The following DST variants were observed in gnomAD, a reference collection of about 807,000 sequenced individuals.
DST encodes the protein bullous pemphigoid antigen.
A neutral mutation model predicts 875.2 loss-of-function variants in DST; 253 were observed. The observed-to-expected ratio is 0.29, with a 90% CI of 0.26 to 0.32. DST has a LOEUF of 0.32. Ranked by LOEUF, DST falls within the 10% of genes least tolerant of loss-of-function variation. The probability of loss-of-function intolerance (pLI) is 1.00; values close to 1 mark genes in which losing one functional copy is unlikely to be tolerated. For synonymous variants in DST, 3,124 were observed against 3,197.1 expected, an observed-to-expected ratio of 0.98 and a Z score of 0.77; for missense variants, 8,287 against 9,111.6, an observed-to-expected ratio of 0.91 and a Z score of 3.68.
chr6:56,907,351 T>C lies in DST; in HGVS notation c.217-6730A>G, dbSNP rs144606769. 2.7e-3 allele frequency among the ~76,000 whole-genome samples: 412 copies of C among 152,376 alleles called. 5 individuals carry two copies. The highest frequency in any genetic ancestry group is 4.1e-3 in the South Asian group (20 of 4,830). ...GCTTGCAAGTGGTTAGCTATTTTCCTTGGAGGTTGAATTCTCAGACAACCA... is the reference window on the plus strand; with the variant it reads ...GCTTGCAAGTGGTTAGCTATTTTCCCTGGAGGTTGAATTCTCAGACAACCA... On this transcript the variant is annotated intron_variant, in intron 2 of 103. Coordinates refer to ENST00000680361, the MANE Select transcript of DST (RefSeq NM_001374736.1).
intron 53 of DST, 91 bp from the exon 54 acceptor site, chr6:56,570,103 C>A: frequency 1.1e-6 from 1 of 923,250 alleles, no homozygotes; most frequent in South Asian, 1.8e-5. Context: ...AAGAAACCAT[C>A]TTCCATGTAC....
At chr6:56,618,523 G>C in intron 36 of DST, 1 of 1,614,016 alleles carries the variant, frequency 6.2e-7, no homozygotes, top group Non-Finnish European at 8.5e-7. Flanking sequence ...CACGCTTCTG[G>C]GCTATCAGCT....
intron 4 of DST, among the ~76,000 whole-genome samples, chr6:56,833,487 T>C (rs975704294): frequency 3.9e-5 from 6 of 152,230 alleles, no homozygotes; most frequent in African/African-American, 1.2e-4. Context: ...TTTCACATGT[T>C]TTACAGGACA....
At chr6:56,481,742 T>A (rs1046547653) in intron 90 of DST, among the ~76,000 whole-genome samples, 1 of 152,200 alleles carries the variant, frequency 6.6e-6, no homozygotes, top group South Asian at 2.1e-4. Flanking sequence ...ACTGCAACAA[T>A]CTTGACCAAT....
chr6:56,729,201 A>G (rs539840951), intron 5 of DST, among the ~76,000 whole-genome samples: 3 of 152,288 alleles, frequency 2.0e-5, no homozygotes, highest in Admixed American at 6.5e-5. Context: ...AGGTCTGGGG[A>G]AAAAAGTCTT....
At chr6:56,740,610 C>T (rs1441054298) in intron 4 of DST, among the ~76,000 whole-genome samples, 1 of 152,142 alleles carries the variant, frequency 6.6e-6, no homozygotes, top group Non-Finnish European at 1.5e-5. Flanking sequence ...AGGTTGCTTC[C>T]ACTATCCCCA....
chr6:56,772,398 C>T (rs2099668493), intron 4 of DST, among the ~76,000 whole-genome samples: 1 of 152,056 alleles, frequency 6.6e-6, no homozygotes, highest in Non-Finnish European at 1.5e-5. Context: ...GAGCGTGGGG[C>T]AGGAGACTGC....
chr6:56,701,344 G>A (rs2099304459), intron 8 of DST, among the ~76,000 whole-genome samples: 1 of 151,904 alleles, frequency 6.6e-6, no homozygotes, highest in South Asian at 2.1e-4. Context: ...GATACCTCAA[G>A]CAAGTTGGGG....
chr6:56,489,652 T>C (rs1047384527), intron 85 of DST, 43 bp from the exon 86 acceptor site: 5 of 1,581,774 alleles, frequency 3.2e-6, no homozygotes, highest in African/African-American at 1.4e-5. Flanking sequence ...TTTTCAAGCA[T>C]ATTATACTTG....
intron 4 of DST, among the ~76,000 whole-genome samples, chr6:56,757,747 C>T (rs1236027831): frequency 6.6e-6 from 1 of 152,160 alleles, no homozygotes; most frequent in Non-Finnish European, 1.5e-5. Flanking sequence ...GAATATGGCT[C>T]AAGCAGCCAT....
At chr6:56,738,554 T>G (rs2152933778) in intron 4 of DST, among the ~76,000 whole-genome samples, 1 of 152,210 alleles carries the variant, frequency 6.6e-6, no homozygotes, top group East Asian at 1.9e-4. Context: ...TCTCCTGACC[T>G]CGTGATCGGC....
At chr6:56,688,230 T>C (rs1252322631) in intron 9 of DST, among the ~76,000 whole-genome samples, 1 of 152,210 alleles carries the variant, frequency 6.6e-6, no homozygotes, top group Non-Finnish European at 1.5e-5. Context: ...CAGCAAGAAA[T>C]GAGTTAGTCA....
intron 8 of DST, among the ~76,000 whole-genome samples, chr6:56,701,150 C>CT (rs944931105): frequency 2.0e-5 from 3 of 151,610 alleles, no homozygotes; most frequent in African/African-American, 7.3e-5. Flanking sequence ...CAGCCTCTTC[C>CT]TTTTTTTCAA....
Position 56,778,540 on chromosome 6 carries a change from C to T in DST, c.626-43251G>A, listed in dbSNP as rs1319011147. On this transcript the variant is annotated intron_variant, in intron 4 of 103. Transcript: ENST00000680361. Reference sequence around the variant, plus strand: ...AAATGGTATCCCTCCCCCCTCCCCCCACCCCACAACAGGCCCCGGTGTGTG... The same window carrying T: ...AAATGGTATCCCTCCCCCCTCCCCCTACCCCACAACAGGCCCCGGTGTGTG... 3.6e-4 allele frequency among the ~76,000 whole-genome samples: 45 copies of T among 123,782 alleles called. 1 individual carries two copies. Among genetic ancestry groups the T allele is most frequent in the African/African-American group, 1.3e-3 (45 of 33,818 alleles). 81.2% of individuals were successfully genotyped at this position (123,782 alleles called of 152,430 possible). A position where few individuals can be genotyped will look rare whatever the true frequency, so the allele number is the denominator to read the frequency against.
intron 36 of DST, chr6:56,615,008 AAAG>A: frequency 1.0e-6 from 1 of 997,650 alleles, no homozygotes; most frequent in African/African-American, 1.7e-5. Flanking sequence ...TTTAATATGC[AAAG>A]AAGGTCACTA....
rs2098478529 is a variant in DST, at chr6:56,604,713, G to T, written c.9915C>A (p.Asn3305Lys). The T allele has an allele frequency of 6.8e-6, 11 of 1,612,262 alleles. No individual in the cohort carries two copies. Among genetic ancestry groups the T allele is most frequent in the Non-Finnish European group, 9.3e-6 (11 of 1,179,000 alleles). ...AGAATGAATAGTCAGTATTTAAAGT[G>T]TTACTGGAGTTATCATTTCCTAATC... The part of the protein sequence containing the change: ...ANGLGNDNSS[N>K]TLNTDYSFLE... The change falls in exon 40 of 104, where the codon AAC (asparagine) becomes AAA (lysine). Residue 3305 changes from asparagine (N) to lysine (K), a missense_variant. Around this residue, in one of 10 missense-constraint regions of DST, gnomAD observed 3,138 missense variants for 3,116.6 expected, o/e 1.01. Transcript: ENST00000680361.
At chr6:56,705,711 T>G (rs1217145637) in intron 5 of DST, among the ~76,000 whole-genome samples, 1 of 152,214 alleles carries the variant, frequency 6.6e-6, no homozygotes, top group East Asian at 1.9e-4. Context: ...TAATATTCAA[T>G]TACCCATCTA....
chr6:56,635,323 T>A (rs777112908), intron 24 of DST, among the ~76,000 whole-genome samples: 1 of 152,106 alleles, frequency 6.6e-6, no homozygotes, highest in South Asian at 2.1e-4. Context: ...ACTTAAAAAG[T>A]ATTTGCAAAA....
At chr6:56,524,746 T>C (rs570145531) in intron 69 of DST, among the ~76,000 whole-genome samples, 4 of 152,106 alleles carry the variant, frequency 2.6e-5, no homozygotes, top group Non-Finnish European at 2.9e-5. Flanking sequence ...AGTAAGACTT[T>C]TACTATATAC....
Sources: allele counts gnomAD v4.1 joint callset (sites outside exome capture counted in the v4.1 genomes callset), GRCh38; gene constraint gnomAD v4.1.1; regional missense constraint gnomAD v4.1.1; transcripts MANE v1.5; gene names NCBI Gene and HGNC (gene_info 2026-07-23, HGNC 2026-07-21).